ARHGAP24: variants seen among roughly 807,000 people sequenced by gnomAD.
ARHGAP24 encodes the protein rho GTPase-activating protein 24.
ARHGAP24 carries 50 observed loss-of-function variants against 76.4 expected under a neutral mutation model. That is an observed-to-expected ratio of 0.65 (90% confidence interval 0.52 to 0.83). The LOEUF (loss-of-function observed/expected upper bound fraction) is 0.83, where lower values mean the gene tolerates loss of function less well. Ranked by LOEUF, ARHGAP24 falls within the 40% of genes least tolerant of loss-of-function variation. ARHGAP24 has a pLI of 0.00. For missense variants in ARHGAP24, 930 were observed against 914.2 expected, an observed-to-expected ratio of 1.02 and a Z score of -0.22; for synonymous variants, 345 against 323.3, an observed-to-expected ratio of 1.07 and a Z score of -0.72.
rs950360538 is a variant in ARHGAP24 at position 85,698,895 on chromosome 4, C to T, written c.181-22990C>T. 2.6e-5 allele frequency among the ~76,000 whole-genome samples: 4 copies of T among 152,124 alleles called. No individual in the cohort carries two copies. In the South Asian group the frequency reaches 8.3e-4, roughly 31 times the overall value. ...GTAGGTCCCTCATAGCCGGTGCTGT[C>T]TTTGTGATAGTGAGTTCTCCTGTGA... On this transcript the variant is annotated intron_variant, in intron 2 of 9. Transcript: ENST00000395184.
chr4:85,872,655 T>G (rs2601867), intron 3 of ARHGAP24, among the ~76,000 whole-genome samples: 1 of 131,442 alleles, frequency 7.6e-6, no homozygotes, highest in Non-Finnish European at 1.5e-5. Context: ...TGGAGTACAG[T>G]GGCACAATCT....
At chr4:85,964,658 C>A (rs1408187403) in intron 5 of ARHGAP24, among the ~76,000 whole-genome samples, 1 of 152,028 alleles carries the variant, frequency 6.6e-6, no homozygotes, top group Non-Finnish European at 1.5e-5. Context: ...AAATATTAGT[C>A]AGAGATAGAA....
chr4:85,786,142 C>T (rs1328574934), intron 3 of ARHGAP24, among the ~76,000 whole-genome samples: 1 of 152,114 alleles, frequency 6.6e-6, no homozygotes, highest in Non-Finnish European at 1.5e-5. Flanking sequence ...TTAACCCCCA[C>T]ATATTTCTCT....
chr4:85,613,961 T>C (rs1027327031), intron 2 of ARHGAP24, among the ~76,000 whole-genome samples: 3 of 152,184 alleles, frequency 2.0e-5, no homozygotes, highest in African/African-American at 7.2e-5. Flanking sequence ...ATTGAGGAGA[T>C]ATCCATTTGG....
At chr4:85,624,239 T>C (rs2110006525) in intron 2 of ARHGAP24, among the ~76,000 whole-genome samples, 1 of 152,304 alleles carries the variant, frequency 6.6e-6, no homozygotes, top group Non-Finnish European at 1.5e-5. Context: ...AGATAGCTCT[T>C]ATTATTTTGA....
intron 3 of ARHGAP24, among the ~76,000 whole-genome samples, chr4:85,866,568 C>A (rs6843333): frequency 0.012 from 1,880 of 152,086 alleles, 44 homozygotes; most frequent in African/African-American, 0.043. Context: ...TAAAAGATTA[C>A]CATATTTGAA....
intron 2 of ARHGAP24, among the ~76,000 whole-genome samples, chr4:85,605,574 C>T (rs1329683297): frequency 1.3e-5 from 2 of 152,252 alleles, no homozygotes; most frequent in East Asian, 3.9e-4. Flanking sequence ...GTCCTTTAAA[C>T]TTATGTAAGA....
intron 4 of ARHGAP24, chr4:85,930,794 G>A: frequency 6.8e-7 from 1 of 1,479,488 alleles, no homozygotes; most frequent in African/African-American, 1.4e-5. Flanking sequence ...GGACCTGGAT[G>A]ATCAAAACCT....
At chr4:85,558,709 C>G (rs932917667) in intron 1 of ARHGAP24, among the ~76,000 whole-genome samples, 59 of 152,310 alleles carry the variant, frequency 3.9e-4, no homozygotes, top group African/African-American at 1.3e-3. Flanking sequence ...GGCTTTAGAG[C>G]AAGCCTGACG....
intron 3 of ARHGAP24, among the ~76,000 whole-genome samples, chr4:85,792,673 C>G (rs1728181824): frequency 6.6e-6 from 1 of 152,092 alleles, no homozygotes; most frequent in Non-Finnish European, 1.5e-5. Context: ...TCTCAGCTCT[C>G]TCTACACACA....
intron 2 of ARHGAP24, among the ~76,000 whole-genome samples, chr4:85,651,699 ATAAGTGCTCT>A (rs1307252490): frequency 6.6e-6 from 1 of 151,394 alleles, no homozygotes; most frequent in Non-Finnish European, 1.5e-5. Context: ...ATAATAGGTC[ATAAGTGCTCT>A]TAAATTATTT....
At chr4:85,681,164 C>A (rs1026875) in intron 2 of ARHGAP24, among the ~76,000 whole-genome samples, 74,813 of 151,856 alleles carry the variant, frequency 0.49, 19,105 homozygotes, top group African/African-American at 0.61. Flanking sequence ...CTTTCTGAAC[C>A]TGTCTTTTCT....
At chr4:85,511,318 C>A (rs536388022) in intron 1 of ARHGAP24, among the ~76,000 whole-genome samples, 17 of 152,206 alleles carry the variant, frequency 1.1e-4, no homozygotes, top group Non-Finnish European at 1.9e-4. Flanking sequence ...CTAGGAAAGA[C>A]TTTCAACTGA....
intron 3 of ARHGAP24, among the ~76,000 whole-genome samples, chr4:85,898,992 C>A (rs1265864546): frequency 6.6e-6 from 1 of 152,160 alleles, no homozygotes; most frequent in African/African-American, 2.4e-5. Context: ...GACCCACCCA[C>A]CTCGGCCTGC....
chr4:85,845,190 T>G (rs1188324774), intron 3 of ARHGAP24, among the ~76,000 whole-genome samples: 1 of 152,168 alleles, frequency 6.6e-6, no homozygotes, highest in Non-Finnish European at 1.5e-5. Context: ...CCCGGGAAAT[T>G]TATCGTTATT....
chr4:85,925,491 T>A (rs1348402391), intron 4 of ARHGAP24, among the ~76,000 whole-genome samples: 1 of 152,022 alleles, frequency 6.6e-6, no homozygotes, highest in African/African-American at 2.4e-5. Context: ...AAATTCCTGA[T>A]TTAAGAAAAA....
chr4:85,980,075 C>T (rs1031235602), intron 8 of ARHGAP24, among the ~76,000 whole-genome samples: 1 of 152,054 alleles, frequency 6.6e-6, no homozygotes. Context: ...ATGCCCCAAA[C>T]CTGGAATCAG....
intron 2 of ARHGAP24, among the ~76,000 whole-genome samples, chr4:85,659,415 AAT>A (rs943768232): frequency 6.6e-6 from 1 of 152,242 alleles, no homozygotes; most frequent in Non-Finnish European, 1.5e-5. Flanking sequence ...TTGTTAAATT[AAT>A]GTTTAAATAA....
At chr4:85,874,443 A>C (rs984823688) in intron 3 of ARHGAP24, among the ~76,000 whole-genome samples, 2 of 152,146 alleles carry the variant, frequency 1.3e-5, no homozygotes, top group Non-Finnish European at 2.9e-5. Context: ...AGTTCTTAAA[A>C]TTCCTTAATA....
Sources: gnomAD v4.1 joint callset for allele counts (sites outside exome capture counted in the v4.1 genomes callset) on GRCh38, gnomAD v4.1.1 for gene constraint, MANE v1.5 for transcripts, NCBI Gene and HGNC (gene_info 2026-07-23, HGNC 2026-07-21) for gene names.